Variants in OSBPL1A observed in about 807,000 individuals in gnomAD.
The protein encoded by OSBPL1A is oxysterol-binding protein-related protein 1.
In OSBPL1A, 80 loss-of-function variants were observed where a neutral mutation model predicts 137.1. The ratio of observed to expected loss-of-function variants is 0.58; its 90% CI spans 0.49 to 0.70. The LOEUF is 0.70. Ranked by LOEUF, OSBPL1A falls within the 30% of genes least tolerant of loss-of-function variation. OSBPL1A has a pLI of 0.00. For synonymous variants in OSBPL1A, 365 were observed against 389.7 expected, an observed-to-expected ratio of 0.94 and a Z score of 0.75; for missense variants, 970 against 1,129.4, an observed-to-expected ratio of 0.86 and a Z score of 2.02.
At position 24,332,266 on chromosome 18, in the gene OSBPL1A, G is replaced by T. The variant is rs576459512; in HGVS notation, c.625+676C>A. 2.0e-5 allele frequency among the ~76,000 whole-genome samples: 3 copies of T among 151,682 alleles called. No individual in the cohort carries two copies. In the East Asian group the frequency reaches 5.8e-4, roughly 29 times the overall value. ...GGTACACTACAGGTGCATGCCTGCA[G>T]TTCCAGCTACTTGGGAGGCTGAGGC... is the stretch of plus-strand genomic sequence containing the variant. On this transcript the variant is annotated intron_variant, in intron 7 of 27. Transcript: ENST00000319481.
chr18:24,268,208 C>T (rs530559445), intron 15 of OSBPL1A, among the ~76,000 whole-genome samples: 60 of 152,216 alleles, frequency 3.9e-4, no homozygotes, highest in African/African-American at 1.4e-3. Context: ...CTCCCCTTCC[C>T]AGGCCCAAGT....
intron 18 of OSBPL1A, among the ~76,000 whole-genome samples, chr18:24,192,282 G>C (rs1269838943): frequency 6.6e-6 from 1 of 152,144 alleles, no homozygotes; most frequent in Non-Finnish European, 1.5e-5. Flanking sequence ...AGGGATGGAG[G>C]AGAAGAGGAG....
rs565944494 is a variant in OSBPL1A at position 24,217,494 on chromosome 18, T to C, written c.1601+7548A>G. 2.6e-5 allele frequency among the ~76,000 whole-genome samples: 4 copies of C among 152,246 alleles called. No homozygotes were observed. In the East Asian group the frequency reaches 7.7e-4, roughly 29 times the overall value. ...CTGGTCTTGAACTCCTGGCCTCAAG[T>C]GATACACTTGCCTCTGCCTCCCAAA... On this transcript the variant is annotated intron_variant, in intron 17 of 27. Coordinates refer to ENST00000319481, the MANE Select transcript of OSBPL1A (RefSeq NM_080597.4).
intron 19 of OSBPL1A, among the ~76,000 whole-genome samples, chr18:24,180,461 TTGTGTGTGTGTGTG>T (rs57229701): frequency 1.3e-5 from 2 of 150,140 alleles, no homozygotes; most frequent in East Asian, 2.0e-4. Context: ...TTTTTCTATT[TTGTGTGTGTGTGTG>T]TGTGTGTGTA....
chr18:24,281,078 G>T, intron 14 of OSBPL1A, 130 bp from the exon 15 acceptor site: 1 of 541,032 alleles, frequency 1.8e-6, no homozygotes, highest in South Asian at 3.2e-5. Flanking sequence ...AACATATCAT[G>T]TTTCTTTTCT....
chr18:24,169,022 G>A (rs914774197), intron 24 of OSBPL1A, among the ~76,000 whole-genome samples: 8 of 152,162 alleles, frequency 5.3e-5, no homozygotes, highest in African/African-American at 9.7e-5. Context: ...TTGTGCCGGG[G>A]GTCCCAGAAT....
At chr18:24,303,058 C>T (rs188219266) in intron 14 of OSBPL1A, among the ~76,000 whole-genome samples, 53 of 151,818 alleles carry the variant, frequency 3.5e-4, no homozygotes, top group African/African-American at 1.0e-3. Context: ...TAGGGTGCAC[C>T]GGCATATTCT....
At chr18:24,322,745 T>A (rs752104287) in intron 7 of OSBPL1A, among the ~76,000 whole-genome samples, 2 of 152,224 alleles carry the variant, frequency 1.3e-5, no homozygotes, top group South Asian at 2.1e-4. Flanking sequence ...GCCAACTAGA[T>A]GAAATTCCAG....
rs188564015 is a variant in OSBPL1A, at chr18:24,236,492, G to A, written c.1444+2728C>T. ...CTAGGTCAACAGCAAGTCAGCACTT[G>A]ACAGGGCATCTGACTCTTCATTTTA... On this transcript the variant is annotated intron_variant, in intron 16 of 27. Coordinates refer to ENST00000319481, the MANE Select transcript of OSBPL1A (RefSeq NM_080597.4). Among the ~76,000 whole-genome samples the A allele has an allele frequency of 7.2e-5, 11 of 152,272 alleles. No homozygotes were observed. In the East Asian group the frequency reaches 2.1e-3, roughly 29 times the overall value.
intron 17 of OSBPL1A, among the ~76,000 whole-genome samples, chr18:24,203,473 C>T (rs1046109805): frequency 3.3e-5 from 5 of 152,106 alleles, no homozygotes; most frequent in African/African-American, 7.2e-5. Context: ...TGCTTTTTCA[C>T]GAAATATCAA....
intron 1 of OSBPL1A, among the ~76,000 whole-genome samples, chr18:24,382,259 T>C (rs1359354184): frequency 7.0e-6 from 1 of 142,738 alleles, no homozygotes; most frequent in African/African-American, 2.6e-5. Context: ...AAAAAAAATT[T>C]AGCCAGGCGT....
In OSBPL1A at chr18:24,324,603, TAAAAAAAAAAAAAA is replaced by T. The variant is rs71163674; in HGVS notation, c.626-5808_626-5795del. On this transcript the variant is annotated intron_variant, in intron 7 of 27. Transcript: ENST00000319481. ...CCCAATAAAAACATGAATATGAATA[TAAAAAAAAAAAAAA>T]AAAAAAAAAAAAAAAAATTAGCCAG... Among the ~76,000 whole-genome samples, 9 of 5,652 alleles carry T rather than the reference TAAAAAAAAAAAAAA, an allele frequency of 1.6e-3. 2 individuals are homozygous for T. The highest frequency in any genetic ancestry group is 6.0e-3 in the South Asian group (2 of 334). 3.7% of individuals were successfully genotyped at this position (5,652 alleles called of 152,430 possible).
chr18:24,197,359 A>T (rs2087065455), intron 17 of OSBPL1A, among the ~76,000 whole-genome samples: 1 of 152,226 alleles, frequency 6.6e-6, no homozygotes, highest in African/African-American at 2.4e-5. Context: ...AAACTAAAAA[A>T]TAATAAAATA....
At chr18:24,311,962 C>A in intron 13 of OSBPL1A, 22 bp downstream of exon 13, 1 of 1,613,352 alleles carries the variant, frequency 6.2e-7, no homozygotes, top group Non-Finnish European at 8.5e-7. Flanking sequence ...CTATAAAGGT[C>A]AGGTTACATT....
intron 14 of OSBPL1A, among the ~76,000 whole-genome samples, chr18:24,296,460 T>A (rs1255067108): frequency 6.6e-6 from 1 of 152,200 alleles, no homozygotes; most frequent in African/African-American, 2.4e-5. Flanking sequence ...CAACACTAGT[T>A]TGACTTCCTC....
intron 4 of OSBPL1A, chr18:24,357,758 T>G (rs1185124858): frequency 6.6e-6 from 1 of 152,118 alleles, no homozygotes; most frequent in Admixed American, 6.6e-5. Flanking sequence ...AGGTAAAACT[T>G]AGGAAGAATT....
intron 17 of OSBPL1A, among the ~76,000 whole-genome samples, chr18:24,216,634 T>C (rs1039673083): frequency 2.6e-5 from 4 of 152,260 alleles, no homozygotes; most frequent in African/African-American, 9.6e-5. Context: ...CAGCTACCTC[T>C]TTCTTAAATT....
intron 18 of OSBPL1A, among the ~76,000 whole-genome samples, chr18:24,191,127 C>T (rs2086878302): frequency 6.6e-6 from 1 of 152,168 alleles, no homozygotes; most frequent in South Asian, 2.1e-4. Flanking sequence ...TTGGGAAAAG[C>T]TTCTCTGGTG....
At position 24,368,513 on chromosome 18, in the gene OSBPL1A, G is replaced by A. The variant is rs1223973152; in HGVS notation, c.122-141C>T. The A allele has an allele frequency of 4.7e-6, 3 of 641,200 alleles. No homozygotes were observed. The African/African-American group carries it at 5.5e-5, about 12-fold the overall frequency. 39.7% of individuals were successfully genotyped at this position (641,200 alleles called of 1,614,324 possible). On this transcript the variant is annotated intron_variant, in intron 2 of 27. Transcript: ENST00000319481. ...AGTGAGAGGCAAGATATGTGACCAA[G>A]AAGTGTAATGGGTGTAAAGGACGAG...
Sources: allele counts gnomAD v4.1 joint callset (sites outside exome capture counted in the v4.1 genomes callset), GRCh38; gene constraint gnomAD v4.1.1; transcripts MANE v1.5; gene names NCBI Gene and HGNC (gene_info 2026-07-23, HGNC 2026-07-21).